Variants in DNAH8 observed in about 807,000 individuals in gnomAD.
DNAH8 encodes the protein axonemal beta dynein heavy chain 8.
A neutral mutation model predicts 562.1 loss-of-function variants in DNAH8; 382 were observed. The ratio of observed to expected loss-of-function variants is 0.68; its 90% CI spans 0.63 to 0.74. The LOEUF (loss-of-function observed/expected upper bound fraction) is 0.74, where lower values mean the gene tolerates loss of function less well. Among genes scored for constraint, DNAH8 ranks in the 30% least tolerant of loss-of-function variants. The pLI is 0.00. For missense variants in DNAH8, 5,203 were observed against 5,620.4 expected (o/e 0.93, Z 2.37); for synonymous variants, 1,881 against 1,919.4 (o/e 0.98, Z 0.52).
chr6:38,834,873 A>G (rs1408433246), intron 32 of DNAH8, among the ~76,000 whole-genome samples: 2 of 152,226 alleles, frequency 1.3e-5, no homozygotes, highest in African/African-American at 4.8e-5. Context: ...TCAACTTAAG[A>G]ATATAACTTA....
rs190441774 is a variant in DNAH8, at chr6:38,747,445, G to A, written c.1294-3031G>A. Among the ~76,000 whole-genome samples, 11 of 148,484 alleles carry A rather than the reference G, an allele frequency of 7.4e-5. No homozygotes were observed. The Admixed American group carries it at 7.4e-4, about 10-fold the overall frequency. On this transcript the variant is annotated intron_variant, in intron 8 of 92. Coordinates refer to ENST00000327475, the MANE Select transcript of DNAH8 (RefSeq NM_001206927.2). ...TCTGTTGCTCAAGCTGGAGTGCAGAGGTGCGATCTTGGCTCACTGCAACCT... is the reference window on the plus strand; with the variant it reads ...TCTGTTGCTCAAGCTGGAGTGCAGAAGTGCGATCTTGGCTCACTGCAACCT...
rs139899322 is a variant in DNAH8 at position 38,721,185 on chromosome 6, G to A, written c.-34-1591G>A. ...AAAAAAATTAGGCATGTATCGTGGT[G>A]CATTCCTGTTGTCCCAGCAACTCAG... On this transcript the variant is annotated intron_variant, in intron 1 of 92. Coordinates refer to ENST00000327475, the MANE Select transcript of DNAH8 (RefSeq NM_001206927.2). 7.0e-3 allele frequency among the ~76,000 whole-genome samples: 1,060 copies of A among 152,250 alleles called. 14 individuals carry two copies. The highest frequency in any genetic ancestry group is 0.024 in the African/African-American group (982 of 41,540).
At chr6:38,996,710 G>T (rs141808750) in intron 88 of DNAH8, among the ~76,000 whole-genome samples, 1 of 152,158 alleles carries the variant, frequency 6.6e-6, no homozygotes, top group African/African-American at 2.4e-5. Flanking sequence ...AGGACTTAGC[G>T]AATGCAGAGC....
chr6:38,724,431 C>A (rs1763036959), intron 3 of DNAH8, among the ~76,000 whole-genome samples: 1 of 152,140 alleles, frequency 6.6e-6, no homozygotes, highest in African/African-American at 2.4e-5. Flanking sequence ...TTTACAAGTA[C>A]AGGTTATATG....
At chr6:38,957,488 A>G (rs1276059484) in intron 82 of DNAH8, among the ~76,000 whole-genome samples, 3 of 151,986 alleles carry the variant, frequency 2.0e-5, no homozygotes, top group Non-Finnish European at 4.4e-5. Flanking sequence ...GACCTAACAG[A>G]CATTTACAGA....
At chr6:38,767,760 T>C (rs1019882902) in intron 11 of DNAH8, among the ~76,000 whole-genome samples, 47 of 152,230 alleles carry the variant, frequency 3.1e-4, no homozygotes, top group Admixed American at 1.8e-3. Flanking sequence ...TATGAACATT[T>C]GGTGTGTAAG....
chr6:38,960,622 C>T (rs1348827613), intron 82 of DNAH8, among the ~76,000 whole-genome samples: 7 of 151,796 alleles, frequency 4.6e-5, no homozygotes, highest in African/African-American at 7.2e-5. Context: ...ACCAGTAACA[C>T]ATGCTGGCAA....
At chr6:38,741,978 G>T in intron 8 of DNAH8, 91 bp downstream of exon 8, 2 of 1,079,362 alleles carry the variant, frequency 1.9e-6, no homozygotes, top group Non-Finnish European at 2.6e-6. Flanking sequence ...TAATATACTG[G>T]AATCGTGTTT....
intron 57 of DNAH8, among the ~76,000 whole-genome samples, chr6:38,890,066 C>A (rs1455896050): frequency 2.0e-5 from 3 of 152,152 alleles, no homozygotes. Flanking sequence ...GATGGTCAGA[C>A]CATCACTTTG....
Position 38,850,370 on chromosome 6 carries a change from T to C in DNAH8, c.5319T>C (p.Pro1773=), listed in dbSNP as rs1775645738. The change falls in exon 38 of 93, where the codon CCT becomes CCC. Residue 1773 remains proline, a synonymous_variant. Transcript: ENST00000327475. Reference sequence around the variant, plus strand: ...ATGAAACCATGGGACAACTTTTACCTCATTTACATGAGCAGTTGGAAGTAT... The same window carrying C: ...ATGAAACCATGGGACAACTTTTACCCCATTTACATGAGCAGTTGGAAGTAT... ...VGDETMGQLL[P]HLHEQLEVCQ... 1 of 1,613,572 alleles carries C rather than the reference T, an allele frequency of 6.2e-7. No homozygotes were observed. The highest frequency in any genetic ancestry group is 1.7e-5 in the Admixed American group (1 of 59,988).
Position 38,772,971 on chromosome 6 carries a change from C to CTTTTTTTTTTTTT in DNAH8, c.1764+2427_1764+2439dup, listed in dbSNP as rs58784448. ...ATACCACCATGCCTAGCTAATTAAA[C>CTTTTTTTTTTTTT]TTTTTTTTTTTTTTTTTTTTTTTTT... On this transcript the variant is annotated intron_variant, in intron 12 of 92. Coordinates refer to ENST00000327475, the MANE Select transcript of DNAH8 (RefSeq NM_001206927.2). Among the ~76,000 whole-genome samples, 342 of 88,052 alleles carry CTTTTTTTTTTTTT rather than the reference C, an allele frequency of 3.9e-3. 32 individuals carry two copies. The highest frequency in any genetic ancestry group is 4.4e-3 in the Non-Finnish European group (210 of 47,940). The allele number at this position is 88,052 out of a possible 152,430, so 57.8% of individuals were successfully genotyped here. A position where few individuals can be genotyped will look rare whatever the true frequency, so the allele number is the denominator to read the frequency against.
At chr6:39,013,335 G>T (rs1362632792) in intron 91 of DNAH8, among the ~76,000 whole-genome samples, 1 of 152,170 alleles carries the variant, frequency 6.6e-6, no homozygotes, top group Non-Finnish European at 1.5e-5. Context: ...GGCTCCATTT[G>T]TAATAAAATT....
chr6:38,734,325 G>T, intron 4 of DNAH8, 149 bp from the exon 5 acceptor site: 12 of 594,340 alleles, frequency 2.0e-5, no homozygotes, highest in South Asian at 2.5e-5. Context: ...TCTTCTAGTA[G>T]ACCCCCCCCC....
intron 56 of DNAH8, among the ~76,000 whole-genome samples, chr6:38,885,390 C>G (rs1416399921): frequency 3.3e-5 from 5 of 152,126 alleles, no homozygotes; most frequent in African/African-American, 1.2e-4. Flanking sequence ...CGCCACCCAC[C>G]ACCAGCTCTC....
chr6:38,818,419 C>T (rs565375414), intron 26 of DNAH8, among the ~76,000 whole-genome samples: 52 of 151,252 alleles, frequency 3.4e-4, no homozygotes, highest in Middle Eastern at 3.4e-3. Flanking sequence ...CAACCAAGTA[C>T]GATGTAAATA....
chr6:38,926,299 A>G (rs1284578508), intron 74 of DNAH8, 89 bp downstream of exon 74: 8 of 1,415,158 alleles, frequency 5.7e-6, no homozygotes, highest in Middle Eastern at 2.4e-4. Flanking sequence ...TAAAGTTGTC[A>G]TCTCCATGAC....
chr6:38,960,266 G>T (rs1466436778), intron 82 of DNAH8, among the ~76,000 whole-genome samples: 2 of 151,752 alleles, frequency 1.3e-5, no homozygotes, highest in East Asian at 3.8e-4. Context: ...TAGACAATTG[G>T]GATTACCTCA....
Position 38,823,636 on chromosome 6 carries a change from G to C in DNAH8, c.3795G>C (p.Glu1265Asp). The change falls in exon 28 of 93, where the codon GAG becomes GAC. Residue 1265 changes from glutamate (E) to aspartate (D), a missense_variant. By Grantham distance (45) the Glu-to-Asp change is conservative (BLOSUM62 2). Transcript: ENST00000327475. ...TACACTATGCTACTTTTGAACAGGA[G>C]ATTGATGAGTTGAAGCCTATTATTG... The part of the protein sequence containing the change: ...EILHYATFEQ[E>D]IDELKPIIVV... 2 of 1,608,742 alleles carry C rather than the reference G, an allele frequency of 1.2e-6. No individual in the cohort carries two copies. Among genetic ancestry groups the C allele is most frequent in the Non-Finnish European group, 1.7e-6 (2 of 1,175,498 alleles).
chr6:38,721,157 A>G (rs1389011130), intron 1 of DNAH8, among the ~76,000 whole-genome samples: 7 of 152,094 alleles, frequency 4.6e-5, no homozygotes, highest in Non-Finnish European at 7.4e-5. Flanking sequence ...AAAAATAAAA[A>G]ATAAAAAAAT....
Sources: allele counts gnomAD v4.1 joint callset (sites outside exome capture counted in the v4.1 genomes callset), GRCh38; gene constraint gnomAD v4.1.1; transcripts MANE v1.5; gene names NCBI Gene and HGNC (gene_info 2026-07-23, HGNC 2026-07-21).